The following NALCN variants were observed in gnomAD, a reference collection of about 807,000 sequenced individuals.
NALCN encodes the protein sodium leak channel NALCN.
NALCN carries 111 observed loss-of-function variants against 225.3 expected under a neutral mutation model. The observed-to-expected ratio is 0.49, with a 90% CI of 0.42 to 0.58. The LOEUF (loss-of-function observed/expected upper bound fraction) is 0.58, where lower values mean the gene tolerates loss of function less well. Among genes scored for constraint, NALCN ranks in the 20% least tolerant of loss-of-function variants. The probability of loss-of-function intolerance (pLI) is 0.00; values close to 1 mark genes in which losing one functional copy is unlikely to be tolerated. For synonymous variants in NALCN, 764 were observed against 769.0 expected (o/e 0.99, Z 0.11); for missense variants, 1,378 against 2,202.4 (o/e 0.63, Z 7.49).
intron 40 of NALCN, among the ~76,000 whole-genome samples, chr13:101,062,989 A>G (rs948203203): frequency 3.9e-5 from 6 of 152,220 alleles, no homozygotes; most frequent in Admixed American, 3.3e-4. Flanking sequence ...AGGCCCATGC[A>G]GTTGTAGGTA....
chr13:101,260,516 A>G lies in NALCN; in HGVS notation c.1135-1942T>C, dbSNP rs559877448. Among the ~76,000 whole-genome samples, 4 of 152,320 alleles carry G rather than the reference A, an allele frequency of 2.6e-5. No individual in the cohort carries two copies. The East Asian group carries it at 7.7e-4, about 29-fold the overall frequency. On this transcript the variant is annotated intron_variant, in intron 10 of 43. Transcript: ENST00000251127. ...TGTAGAAGGGTTCCCTTTTCTTCGCATCCTCACCAGCATTTATTATTGCCT... is the reference window on the plus strand; with the variant it reads ...TGTAGAAGGGTTCCCTTTTCTTCGCGTCCTCACCAGCATTTATTATTGCCT...
At chr13:101,325,690 A>C (rs1190524290) in intron 7 of NALCN, among the ~76,000 whole-genome samples, 2 of 152,314 alleles carry the variant, frequency 1.3e-5, no homozygotes, top group South Asian at 2.1e-4. Flanking sequence ...GACTAGTCAC[A>C]GACAGCTGCA....
At position 101,120,926 on chromosome 13, in the gene NALCN, C is replaced by T. The variant is rs113674014; in HGVS notation, c.2192+3682G>A. Among the ~76,000 whole-genome samples, 173 of 152,280 alleles carry T rather than the reference C, an allele frequency of 1.1e-3. 1 individual carries two copies. Among genetic ancestry groups the T allele is most frequent in the African/African-American group, 4.0e-3 (166 of 41,560 alleles). On this transcript the variant is annotated intron_variant, in intron 18 of 43. Transcript: ENST00000251127. Reference sequence around the variant, plus strand: ...AAGAATTCTGCCCAGTCTAAACAGACCTCCATCCTACAAACACTGAAACCC... The same window carrying T: ...AAGAATTCTGCCCAGTCTAAACAGATCTCCATCCTACAAACACTGAAACCC...
At chr13:101,342,563 T>C (rs2045590137) in intron 7 of NALCN, among the ~76,000 whole-genome samples, 2 of 152,202 alleles carry the variant, frequency 1.3e-5, no homozygotes, top group Non-Finnish European at 1.5e-5. Context: ...TCCAGGAACA[T>C]GCATTATCTT....
At chr13:101,237,943 T>A (rs1229384157) in intron 11 of NALCN, 21 bp from the exon 12 acceptor site, 1 of 1,565,964 alleles carries the variant, frequency 6.4e-7, no homozygotes, top group East Asian at 2.3e-5. Context: ...AAAGAAACAT[T>A]GAAATTGAAA....
chr13:101,097,551 CCTG>C (rs1382207715), intron 27 of NALCN, among the ~76,000 whole-genome samples: 1 of 152,154 alleles, frequency 6.6e-6, no homozygotes, highest in Non-Finnish European at 1.5e-5. Flanking sequence ...ACACTAGTTC[CCTG>C]CTTCTCCACT....
chr13:101,132,875 C>T (rs1347448752), intron 17 of NALCN, among the ~76,000 whole-genome samples: 1 of 152,120 alleles, frequency 6.6e-6, no homozygotes, highest in Non-Finnish European at 1.5e-5. Context: ...TAAACTCTTG[C>T]TATTCTCACA....
intron 1 of NALCN, 95 bp from the exon 2 acceptor site, chr13:101,399,260 A>T: frequency 2.7e-6 from 2 of 750,060 alleles, no homozygotes; most frequent in Non-Finnish European, 4.3e-6. Context: ...TGTAAGGCAT[A>T]TATGTGTTCT....
intron 10 of NALCN, among the ~76,000 whole-genome samples, chr13:101,279,325 A>C (rs913662257): frequency 2.6e-5 from 4 of 152,230 alleles, no homozygotes; most frequent in Admixed American, 6.5e-5. Context: ...TCCTGGAGGC[A>C]GAAATGCTTT....
chr13:101,311,599 C>T (rs1344933828), intron 7 of NALCN, among the ~76,000 whole-genome samples: 5 of 152,146 alleles, frequency 3.3e-5, no homozygotes, highest in African/African-American at 2.4e-5. Context: ...AAGGCCTTTT[C>T]TGCATGTATT....
intron 3 of NALCN, among the ~76,000 whole-genome samples, chr13:101,381,821 T>C (rs1016867765): frequency 2.6e-5 from 4 of 152,026 alleles, no homozygotes; most frequent in Non-Finnish European, 4.4e-5. Context: ...GGACTTTTAT[T>C]AAATGAACAA....
chr13:101,273,629 T>G (rs1047700106), intron 10 of NALCN, among the ~76,000 whole-genome samples: 13 of 151,844 alleles, frequency 8.6e-5, no homozygotes, highest in African/African-American at 2.9e-4. Context: ...CTTAGAAAAA[T>G]CAACAGATAA....
At position 101,366,718 on chromosome 13, in the gene NALCN, A is replaced by G. The variant is rs193213693; in HGVS notation, c.644+9982T>C. On this transcript the variant is annotated intron_variant, in intron 6 of 43. Coordinates refer to ENST00000251127, the MANE Select transcript of NALCN (RefSeq NM_052867.4). ...ATGTTTTGATGTATGTATACAAGAC[A>G]TAATGGTTACATCGGGCCAATTAAT... Among the ~76,000 whole-genome samples, 137 of 152,334 alleles carry G rather than the reference A, an allele frequency of 9.0e-4. 1 individual carries two copies. The highest frequency in any genetic ancestry group is 2.6e-3 in the Admixed American group (39 of 15,290).
intron 13 of NALCN, among the ~76,000 whole-genome samples, chr13:101,228,296 C>T (rs1378151664): frequency 6.6e-6 from 1 of 151,864 alleles, no homozygotes; most frequent in Non-Finnish European, 1.5e-5. Flanking sequence ...AAGTACAGAC[C>T]CTTTTGCTGT....
chr13:101,376,767 C>T lies in NALCN; in HGVS notation c.577G>A (p.Gly193Arg). The T allele has an allele frequency of 6.2e-7, 1 of 1,613,496 alleles. No individual in the cohort carries two copies. The highest frequency in any genetic ancestry group is 8.5e-7 in the Non-Finnish European group (1 of 1,179,832). The change falls in exon 6 of 44, where the codon GGA becomes AGA. Residue 193 changes from glycine (G) to arginine (R), a missense_variant. Physicochemically the swap from Gly to Arg is moderately radical, Grantham distance 125. Coordinates refer to ENST00000251127, the MANE Select transcript of NALCN (RefSeq NM_052867.4). ...IFLLFFLLLY[G>R]ILGVQMFGTF... ...CCAAACATCTGAACTCCTAAAATTC[C>T]ATAAAGAAGTAGAAAGAAAAGTAGA...
chr13:101,179,065 C>G (rs2039082854), intron 14 of NALCN, among the ~76,000 whole-genome samples: 1 of 152,148 alleles, frequency 6.6e-6, no homozygotes, highest in Non-Finnish European at 1.5e-5. Flanking sequence ...AAACAGTTGA[C>G]TGGACTCCAT....
At chr13:101,303,816 T>C (rs1057217491) in intron 7 of NALCN, among the ~76,000 whole-genome samples, 1 of 152,164 alleles carries the variant, frequency 6.6e-6, no homozygotes, top group Non-Finnish European at 1.5e-5. Flanking sequence ...AGCAAGTATC[T>C]GGGCTAACGA....
intron 38 of NALCN, 110 bp downstream of exon 38, chr13:101,068,585 G>T: frequency 1.8e-6 from 2 of 1,138,352 alleles, no homozygotes; most frequent in Non-Finnish European, 2.3e-6. Flanking sequence ...TATAATTAAT[G>T]CCATGAAACA....
At chr13:101,067,881 T>C (rs1423209737) in intron 39 of NALCN, 37 bp downstream of exon 39, 13 of 1,376,308 alleles carry the variant, frequency 9.4e-6, no homozygotes, top group Admixed American at 1.7e-5. Context: ...ATAAGTCTCT[T>C]TGAGGTGAGG....
Sources: allele counts gnomAD v4.1 joint callset (sites outside exome capture counted in the v4.1 genomes callset), GRCh38; gene constraint gnomAD v4.1.1; transcripts MANE v1.5; gene names NCBI Gene and HGNC (gene_info 2026-07-23, HGNC 2026-07-21).